The following NCOA2 variants were observed in gnomAD, a reference collection of about 807,000 sequenced individuals.
NCOA2 encodes the protein class E basic helix-loop-helix protein 75.
Under a neutral mutation model 145.1 loss-of-function variants are expected in NCOA2, and 21 were observed. That is an observed-to-expected ratio of 0.14 (90% CI 0.10 to 0.21). NCOA2 has a LOEUF of 0.21. NCOA2 is among the 10% of genes least tolerant of loss of function. NCOA2 has a pLI of 1.00. For synonymous variants in NCOA2, 619 were observed against 637.5 expected (o/e 0.97, Z 0.44); for missense variants, 1,472 against 1,837.6 (o/e 0.80, Z 3.64).
chr8:70,155,635 A>G (rs114600877), intron 11 of NCOA2, among the ~76,000 whole-genome samples: 1,819 of 152,342 alleles, frequency 0.012, 49 homozygotes, highest in African/African-American at 0.042. Context: ...ATCGGAGCAA[A>G]GTCATATTCA....
Position 70,392,996 on chromosome 8 carries a change from A to G in NCOA2, c.-77+10704T>C, listed in dbSNP as rs1397969110. Among the ~76,000 whole-genome samples, 14 of 152,226 alleles carry G rather than the reference A, an allele frequency of 9.2e-5. 1 individual carries two copies. The highest frequency in any genetic ancestry group is 9.2e-4 in the Admixed American group (14 of 15,278). ...ACCTGAACCTCAAAAGGAAATAGGAAGGAGATGGGAAAGGGAAAACTCTCT... is the reference window on the plus strand; with the variant it reads ...ACCTGAACCTCAAAAGGAAATAGGAGGGAGATGGGAAAGGGAAAACTCTCT... On this transcript the variant is annotated intron_variant, in intron 1 of 22. Coordinates refer to ENST00000452400, the MANE Select transcript of NCOA2 (RefSeq NM_006540.4).
upstream of NCOA2, among the ~76,000 whole-genome samples, chr8:70,405,081 C>T (rs1003178919): frequency 6.6e-6 from 1 of 152,164 alleles, no homozygotes; most frequent in Non-Finnish European, 1.5e-5. Context: ...TGCCGCTTTT[C>T]ACTTCACACA....
At chr8:70,418,904 AC>A in the NCOA2 span, among the ~76,000 whole-genome samples, 5 of 152,286 alleles carry the variant, frequency 3.3e-5, no homozygotes, top group African/African-American at 9.6e-5. Context: ...ATGCAAAAAA[AC>A]ATATTTATAA....
rs1430514522 is a variant in NCOA2, at chr8:70,214,038, C to T, written c.124G>A (p.Glu42Lys). 6.2e-7 allele frequency: 1 copy of T among 1,609,192 alleles called. No homozygotes were observed. Among genetic ancestry groups the T allele is most frequent in the Non-Finnish European group, 8.5e-7 (1 of 1,178,976 alleles). ...GCAAGTTCTTCTATATATTTATTTT[C>T]CTGTTCACGATTACGTTTTTCAGTG... Reference protein sequence around the residue: ...RNTEKRNREQENKYIEELAEL... With the variant: ...RNTEKRNREQKNKYIEELAEL... Residue 42 changes from glutamate to lysine, a missense_variant, in exon 4 of 23, where the codon GAA becomes AAA. This residue lies in a region of NCOA2 where 284 missense variants were observed against 467.8 expected (regional missense o/e 0.61). Coordinates refer to ENST00000452400, the MANE Select transcript of NCOA2 (RefSeq NM_006540.4).
At chr8:70,290,250 G>A (rs939484468) in intron 2 of NCOA2, among the ~76,000 whole-genome samples, 3 of 147,440 alleles carry the variant, frequency 2.0e-5, no homozygotes, top group South Asian at 4.3e-4. Flanking sequence ...GCAGTGGCGC[G>A]ATTTCTCGGC....
chr8:70,377,327 C>T (rs1185882745), intron 1 of NCOA2, among the ~76,000 whole-genome samples: 1 of 151,082 alleles, frequency 6.6e-6, no homozygotes, highest in Non-Finnish European at 1.5e-5. Context: ...AAAAAAAAAA[C>T]TCTTAACAAT....
At chr8:70,281,830 T>G (rs1022842211) in intron 2 of NCOA2, among the ~76,000 whole-genome samples, 4 of 152,202 alleles carry the variant, frequency 2.6e-5, no homozygotes, top group African/African-American at 7.2e-5. Flanking sequence ...ACAAAGCCAC[T>G]ATTAATCAGA....
In NCOA2 at chr8:70,237,982, T is replaced by C. The variant is rs192089510; in HGVS notation, c.-19-21218A>G. Among the ~76,000 whole-genome samples, 18 of 152,258 alleles carry C rather than the reference T, an allele frequency of 1.2e-4. No individual in the cohort carries two copies. In the East Asian group the frequency reaches 3.3e-3, roughly 28 times the overall value. On this transcript the variant is annotated intron_variant, in intron 2 of 22. Coordinates refer to ENST00000452400, the MANE Select transcript of NCOA2 (RefSeq NM_006540.4). ...TTTAGGTGATTGCAATTTAATATGA[T>C]TTAGCCAAATGACTTGATACTAAAA...
At chr8:70,287,577 T>C (rs1826327402) in intron 2 of NCOA2, among the ~76,000 whole-genome samples, 1 of 152,210 alleles carries the variant, frequency 6.6e-6, no homozygotes, top group African/African-American at 2.4e-5. Context: ...TTTTCCATCT[T>C]TCAAAACAAA....
intron 2 of NCOA2, among the ~76,000 whole-genome samples, chr8:70,224,909 C>T (rs2134095780): frequency 6.6e-6 from 1 of 151,970 alleles, no homozygotes; most frequent in South Asian, 2.1e-4. Context: ...TGCCCCACTC[C>T]CTGCCCCGCT....
intron 1 of NCOA2, among the ~76,000 whole-genome samples, chr8:70,298,541 C>G (rs959119314): frequency 1.2e-4 from 18 of 152,196 alleles, no homozygotes; most frequent in African/African-American, 3.6e-4. Context: ...CTTTCTAACA[C>G]TACTGGGATA....
chr8:70,293,649 T>C (rs1275785875), intron 2 of NCOA2, among the ~76,000 whole-genome samples: 3 of 152,222 alleles, frequency 2.0e-5, no homozygotes, highest in South Asian at 4.1e-4. Flanking sequence ...CCAAGGTCTA[T>C]ATAAATCCAC....
chr8:70,452,875 C>G, the NCOA2 span, among the ~76,000 whole-genome samples: 1 of 152,114 alleles, frequency 6.6e-6, no homozygotes, highest in Non-Finnish European at 1.5e-5. Context: ...GTAAAGATTA[C>G]AAAGATTGCA....
At chr8:70,352,394 C>T (rs1017656109) in intron 1 of NCOA2, among the ~76,000 whole-genome samples, 3 of 152,130 alleles carry the variant, frequency 2.0e-5, no homozygotes, top group African/African-American at 7.2e-5. Flanking sequence ...ATCATGCACA[C>T]TGATATAAAG....
intron 1 of NCOA2, among the ~76,000 whole-genome samples, chr8:70,331,428 T>G (rs1807084929): frequency 6.6e-6 from 1 of 152,164 alleles, no homozygotes; most frequent in Non-Finnish European, 1.5e-5. Context: ...TAAGCTAATT[T>G]TTAAATTGCT....
chr8:70,265,306 AG>A (rs1267838433), intron 2 of NCOA2, among the ~76,000 whole-genome samples: 3 of 152,090 alleles, frequency 2.0e-5, no homozygotes, highest in African/African-American at 7.2e-5. Context: ...ACAGGAAGAG[AG>A]CTCTCACTGG....
intron 1 of NCOA2, among the ~76,000 whole-genome samples, chr8:70,385,772 T>A (rs1158906638): frequency 1.3e-5 from 2 of 152,254 alleles, no homozygotes; most frequent in Non-Finnish European, 2.9e-5. Flanking sequence ...CAATAGAATG[T>A]TCCACAAATT....
intron 18 of NCOA2, among the ~76,000 whole-genome samples, chr8:70,127,264 G>A (rs1808525616): frequency 6.6e-6 from 1 of 152,140 alleles, no homozygotes; most frequent in South Asian, 2.1e-4. Context: ...GCTTTGCTAT[G>A]ACTCAGCAGA....
intron 1 of NCOA2, among the ~76,000 whole-genome samples, chr8:70,343,367 T>C (rs1352110539): frequency 6.6e-6 from 1 of 151,562 alleles, no homozygotes; most frequent in Non-Finnish European, 1.5e-5. Context: ...CATTTCAAAG[T>C]TGATCCAAAA....
Sources: allele counts gnomAD v4.1 joint callset (sites outside exome capture counted in the v4.1 genomes callset), GRCh38; gene constraint gnomAD v4.1.1; regional missense constraint gnomAD v4.1.1; transcripts MANE v1.5; gene names NCBI Gene and HGNC (gene_info 2026-07-23, HGNC 2026-07-21).